The following DNM3 variants were observed in gnomAD, a reference collection of about 807,000 sequenced individuals.
DNM3 encodes the protein dynamin-3.
Under a neutral mutation model 101.6 loss-of-function variants are expected in DNM3, and 47 were observed. The observed-to-expected ratio is 0.46, with a 90% CI of 0.37 to 0.59. The LOEUF (loss-of-function observed/expected upper bound fraction) is 0.59. DNM3 is among the 20% of genes least tolerant of loss of function. DNM3 has a pLI of 0.00. For missense variants in DNM3, 849 were observed against 1,085.7 expected (o/e 0.78, Z 3.06); for synonymous variants, 385 against 387.9 (o/e 0.99, Z 0.09).
chr1:172,110,474 A>G (rs1309444602), intron 13 of DNM3, among the ~76,000 whole-genome samples: 1 of 152,192 alleles, frequency 6.6e-6, no homozygotes, highest in East Asian at 1.9e-4. Context: ...ATCCGCTTAT[A>G]AATATCCAAC....
chr1:171,931,415 A>T (rs1360460127), intron 2 of DNM3, among the ~76,000 whole-genome samples: 1 of 152,202 alleles, frequency 6.6e-6, no homozygotes, highest in Non-Finnish European at 1.5e-5. Context: ...TGTGGCCCTG[A>T]GGATATAAAA....
chr1:172,356,542 C>A (rs973099427), intron 17 of DNM3, among the ~76,000 whole-genome samples: 1 of 151,864 alleles, frequency 6.6e-6, no homozygotes, highest in Admixed American at 6.6e-5. Context: ...GCCATAGACT[C>A]CTCAGAATTT....
intron 14 of DNM3, among the ~76,000 whole-genome samples, chr1:172,198,584 T>C (rs2060038170): frequency 6.6e-6 from 1 of 152,054 alleles, no homozygotes; most frequent in Admixed American, 6.6e-5. Flanking sequence ...ACTGATTCAA[T>C]TTTGGAGCTT....
chr1:172,231,275 C>T lies in DNM3; in HGVS notation c.1660-22298C>T, dbSNP rs146864044. On this transcript the variant is annotated intron_variant, in intron 14 of 20. Transcript: ENST00000627582. ...CTCTGAGACAAAACTTCCAGAGGAA[C>T]GATCAGGCAGCAACATTTGCTGTTC... Among the ~76,000 whole-genome samples, 233 of 152,136 alleles carry T rather than the reference C, an allele frequency of 1.5e-3. 2 individuals are homozygous for T. In the East Asian group the frequency reaches 0.027, roughly 18 times the overall value.
chr1:172,205,154 G>A (rs1309149329), intron 14 of DNM3, among the ~76,000 whole-genome samples: 4 of 152,122 alleles, frequency 2.6e-5, no homozygotes, highest in African/African-American at 9.7e-5. Flanking sequence ...TTGAAAGTTT[G>A]AAAACCATCA....
intron 18 of DNM3, among the ~76,000 whole-genome samples, chr1:172,385,453 C>T (rs925474079): frequency 3.3e-5 from 5 of 152,322 alleles, no homozygotes; most frequent in Admixed American, 1.3e-4. Flanking sequence ...CCACAACTAT[C>T]GTGCATAAAC....
Position 172,033,240 on chromosome 1 carries a change from C to A in DNM3, c.824C>A (p.Pro275Gln). ...YRHIADRMGT[P>Q]HLQKVLNQQL... ...CATATCGCTGACCGAATGGGAACCC[C>A]ACACCTGCAGAAGGTCCTTAATCAG... Residue 275 changes from proline to glutamine, a missense_variant, in exon 6 of 21, where the codon CCA (proline) becomes CAA (glutamine). By Grantham distance (76) the Pro-to-Gln change is moderately conservative (BLOSUM62 -1). This residue lies in a region of DNM3 where 388 missense variants were observed against 483.0 expected (regional missense o/e 0.80). Coordinates refer to ENST00000627582, the MANE Select transcript of DNM3 (RefSeq NM_015569.5). The A allele has an allele frequency of 6.2e-7, 1 of 1,603,718 alleles. No homozygotes were observed.
intron 4 of DNM3, among the ~76,000 whole-genome samples, chr1:172,030,159 C>T (rs1345892183): frequency 6.6e-6 from 1 of 152,142 alleles, no homozygotes; most frequent in Non-Finnish European, 1.5e-5. Context: ...TCAAATTATA[C>T]TACAAGGCTA....
chr1:172,211,901 T>G lies in DNM3; in HGVS notation c.1660-41672T>G, dbSNP rs183857272. Among the ~76,000 whole-genome samples the G allele has an allele frequency of 6.6e-4, 101 of 152,254 alleles. 1 individual carries two copies. Among genetic ancestry groups the G allele is most frequent in the African/African-American group, 2.3e-3 (96 of 41,578 alleles). ...ACCTGGAGTTTTGTGAGTGTGTCTG[T>G]CTGCCTTATGAGAATGACATTTATG... On this transcript the variant is annotated intron_variant, in intron 14 of 20. Transcript: ENST00000627582.
At chr1:172,160,968 A>G (rs1364492492) in intron 14 of DNM3, among the ~76,000 whole-genome samples, 1 of 151,864 alleles carries the variant, frequency 6.6e-6, no homozygotes, top group Admixed American at 6.6e-5. Flanking sequence ...CATTGACTCA[A>G]ATGTTATGTG....
chr1:172,272,789 C>A (rs1212763746), intron 15 of DNM3, among the ~76,000 whole-genome samples: 3 of 152,012 alleles, frequency 2.0e-5, no homozygotes, highest in Admixed American at 6.6e-5. Flanking sequence ...ATAGTCATTT[C>A]TTTTTCTTGA....
intron 4 of DNM3, among the ~76,000 whole-genome samples, chr1:172,004,486 A>T (rs537132198): frequency 6.6e-6 from 1 of 152,096 alleles, no homozygotes; most frequent in East Asian, 1.9e-4. Context: ...GGGAGTGAGG[A>T]CTAACATGAT....
chr1:171,902,826 C>T (rs1409276877), intron 1 of DNM3, among the ~76,000 whole-genome samples: 1 of 152,108 alleles, frequency 6.6e-6, no homozygotes, highest in African/African-American at 2.4e-5. Context: ...TTCTTCTGTG[C>T]TATGAGTGAA....
At chr1:172,304,334 T>A (rs1240087580) in intron 15 of DNM3, among the ~76,000 whole-genome samples, 1 of 151,406 alleles carries the variant, frequency 6.6e-6, no homozygotes, top group East Asian at 1.9e-4. Context: ...CAAGTAGAGC[T>A]AACTATCCTA....
chr1:172,143,051 T>C (rs1198713601), intron 14 of DNM3, among the ~76,000 whole-genome samples: 2 of 152,082 alleles, frequency 1.3e-5, no homozygotes, highest in African/African-American at 4.8e-5. Flanking sequence ...CTAATAATCA[T>C]GAATATATGA....
chr1:172,319,103 TC>T (rs1362024307), intron 16 of DNM3, among the ~76,000 whole-genome samples: 1 of 152,156 alleles, frequency 6.6e-6, no homozygotes, highest in African/African-American at 2.4e-5. Flanking sequence ...AACTATCTGA[TC>T]TTTGACAAAC....
intron 14 of DNM3, among the ~76,000 whole-genome samples, chr1:172,220,451 C>G (rs2060866449): frequency 6.6e-6 from 1 of 152,132 alleles, no homozygotes; most frequent in Admixed American, 6.6e-5. Context: ...GCTCAAGAAT[C>G]AATGCTTCAA....
rs548625798 is a variant in DNM3 at position 172,317,709 on chromosome 1, T to C, written c.1882-5620T>C. ...ACCAGGAAGAAGTTGAATCTCTGAA[T>C]AGACCAGTAACAGGCTCTGAAATTG... On this transcript the variant is annotated intron_variant, in intron 16 of 20. Transcript: ENST00000627582. Among the ~76,000 whole-genome samples the C allele has an allele frequency of 3.9e-5, 6 of 152,312 alleles. 1 individual carries two copies. Among genetic ancestry groups the C allele is most frequent in the African/African-American group, 1.4e-4 (6 of 41,568 alleles).
rs745570726 is a variant in DNM3 at position 172,379,176 on chromosome 1, C to T, written c.2052C>T (p.Ile684=). The T allele has an allele frequency of 4.4e-6, 7 of 1,603,980 alleles. No individual in the cohort carries two copies. The East Asian group carries it at 1.6e-4, about 36-fold the overall frequency. ...LIPKTIMHLM[I]NNVKDFINSE... Reference sequence around the variant, plus strand: ...CAAAAACAATAATGCACCTTATGATCAATAACGTAAGTGATTATAAACTAC... The same window carrying T: ...CAAAAACAATAATGCACCTTATGATTAATAACGTAAGTGATTATAAACTAC... Residue 684 remains isoleucine, a synonymous_variant, in exon 18 of 21, where the codon ATC becomes ATT. Transcript: ENST00000627582.
Sources: allele counts gnomAD v4.1 joint callset (sites outside exome capture counted in the v4.1 genomes callset), GRCh38; gene constraint gnomAD v4.1.1; regional missense constraint gnomAD v4.1.1; transcripts MANE v1.5; gene names NCBI Gene and HGNC (gene_info 2026-07-23, HGNC 2026-07-21).